Variants in PDZRN4 observed in about 807,000 individuals in gnomAD.
PDZRN4 encodes PDZ domain-containing RING finger protein 4.
A neutral mutation model predicts 99.0 loss-of-function variants in PDZRN4; 70 were observed. The ratio of observed to expected loss-of-function variants is 0.71; its 90% CI spans 0.58 to 0.86. The LOEUF (loss-of-function observed/expected upper bound fraction) is 0.86. PDZRN4 is among the 40% of genes least tolerant of loss of function. The pLI is 0.00. For missense variants in PDZRN4, 1,474 were observed against 1,331.2 expected, an observed-to-expected ratio of 1.11 and a Z score of -1.67; for synonymous variants, 551 against 501.6, an observed-to-expected ratio of 1.10 and a Z score of -1.32.
chr12:41,434,738 C>T (rs907214422), intron 3 of PDZRN4, among the ~76,000 whole-genome samples: 39 of 152,078 alleles, frequency 2.6e-4, no homozygotes, highest in African/African-American at 8.9e-4. Context: ...AATACACACA[C>T]GACTTATGTT....
At chr12:41,330,331 G>T (rs1951734462) in intron 3 of PDZRN4, among the ~76,000 whole-genome samples, 1 of 151,972 alleles carries the variant, frequency 6.6e-6, no homozygotes, top group African/African-American at 2.4e-5. Flanking sequence ...ACCGTTCTGG[G>T]TTTTAAGTCT....
chr12:41,314,068 G>C (rs1265317385), intron 3 of PDZRN4, among the ~76,000 whole-genome samples: 1 of 152,114 alleles, frequency 6.6e-6, no homozygotes, highest in Non-Finnish European at 1.5e-5. Flanking sequence ...ACCACTTATT[G>C]TTAATAATTT....
At position 41,458,037 on chromosome 12, in the gene PDZRN4, C is replaced by T. The variant is rs144924213; in HGVS notation, c.844-48419C>T. ...GACCACCAGAAAACTTCATGAAGAACATGCAATTCAAACTATTCCTTGACA... is the reference window on the plus strand; with the variant it reads ...GACCACCAGAAAACTTCATGAAGAATATGCAATTCAAACTATTCCTTGACA... On this transcript the variant is annotated intron_variant, in intron 3 of 9. Transcript: ENST00000402685. Among the ~76,000 whole-genome samples the T allele has an allele frequency of 7.2e-5, 11 of 152,284 alleles. No homozygotes were observed. The East Asian group carries it at 2.1e-3, about 29-fold the overall frequency.
chr12:41,391,358 C>T (rs1427833377), intron 3 of PDZRN4, among the ~76,000 whole-genome samples: 1 of 152,188 alleles, frequency 6.6e-6, no homozygotes, highest in African/African-American at 2.4e-5. Context: ...ATTTGATTCC[C>T]TTCCAGGGAG....
chr12:41,279,890 G>A (rs1951372111), intron 3 of PDZRN4, among the ~76,000 whole-genome samples: 1 of 152,130 alleles, frequency 6.6e-6, no homozygotes, highest in Non-Finnish European at 1.5e-5. Context: ...AGAACTGTAA[G>A]GTAGAAAACA....
At chr12:41,303,021 A>G (rs115858264) in intron 3 of PDZRN4, among the ~76,000 whole-genome samples, 3,072 of 151,998 alleles carry the variant, frequency 0.02, 87 homozygotes, top group African/African-American at 0.069. Flanking sequence ...TCTAAAAGCT[A>G]CAAGTGTTTA....
chr12:41,236,488 T>G (rs11180400), intron 3 of PDZRN4, among the ~76,000 whole-genome samples: 1 of 151,914 alleles, frequency 6.6e-6, no homozygotes, highest in Non-Finnish European at 1.5e-5. Flanking sequence ...GTTTTAGGAT[T>G]TTATAGAAGG....
intron 3 of PDZRN4, among the ~76,000 whole-genome samples, chr12:41,310,489 T>C (rs775535100): frequency 6.6e-6 from 1 of 152,116 alleles, no homozygotes; most frequent in Non-Finnish European, 1.5e-5. Context: ...CTTCCACACT[T>C]GCGAAGAGGA....
At chr12:41,316,740 C>T (rs1951641001) in intron 3 of PDZRN4, among the ~76,000 whole-genome samples, 1 of 151,654 alleles carries the variant, frequency 6.6e-6, no homozygotes, top group African/African-American at 2.4e-5. Flanking sequence ...AAACTGAAAT[C>T]TTATTTCTTA....
rs1051887972 is a variant in PDZRN4, at chr12:41,360,764, A to G, written c.844-145692A>G. Among the ~76,000 whole-genome samples the G allele has an allele frequency of 3.3e-5, 5 of 152,068 alleles. No homozygotes were observed. In the South Asian group the frequency reaches 1.0e-3, roughly 31 times the overall value. On this transcript the variant is annotated intron_variant, in intron 3 of 9. Coordinates refer to ENST00000402685, the MANE Select transcript of PDZRN4 (RefSeq NM_001164595.2). The stretch of plus-strand genomic sequence containing the variant: ...AATTACCTTTTATATATTATAGACC[A>G]TAACCGACACAGGAAGAGAATGGAA...
At chr12:41,438,020 G>T in intron 3 of PDZRN4, 1 of 1,613,802 alleles carries the variant, frequency 6.2e-7, no homozygotes, top group Non-Finnish European at 8.5e-7. Flanking sequence ...CCAGGTGAGT[G>T]CAGGGTCTGA....
At chr12:41,267,182 A>T (rs1951283635) in intron 3 of PDZRN4, among the ~76,000 whole-genome samples, 1 of 152,210 alleles carries the variant, frequency 6.6e-6, no homozygotes, top group African/African-American at 2.4e-5. Context: ...ACTGCTTAAG[A>T]CTTTCAGTGT....
At position 41,567,925 on chromosome 12, in the gene PDZRN4, C is replaced by T. The variant is rs201964656; in HGVS notation, c.1584+26C>T. 948 of 1,269,758 alleles carry T rather than the reference C, an allele frequency of 7.5e-4. 11 individuals carry two copies. Among genetic ancestry groups the T allele is most frequent in the Non-Finnish European group, 1.1e-4 (99 of 892,316 alleles). The allele number at this position is 1,269,758 out of a possible 1,614,324, so 78.7% of individuals were successfully genotyped here. ...GTAGGGCCAACAATTTGAACTACATCATTTGATATGTTGCTTGTTCTTTTT... is the reference window on the plus strand; with the variant it reads ...GTAGGGCCAACAATTTGAACTACATTATTTGATATGTTGCTTGTTCTTTTT... On this transcript the variant is annotated intron_variant, in intron 9 of 9. Transcript: ENST00000402685.
At chr12:41,214,764 T>A (rs1369792994) in intron 3 of PDZRN4, among the ~76,000 whole-genome samples, 1 of 151,982 alleles carries the variant, frequency 6.6e-6, no homozygotes, top group African/African-American at 2.4e-5. Context: ...TAAGATCCTA[T>A]GACACAGATC....
Position 41,210,883 on chromosome 12 carries a change from T to G in PDZRN4, c.843+16695T>G, listed in dbSNP as rs538629529. The stretch of plus-strand genomic sequence containing the variant: ...TTTAGAACATTTTACCAAAAGACAC[T>G]AAAGTCCAAAAAGAGTTAACTCATT... On this transcript the variant is annotated intron_variant, in intron 3 of 9. Transcript: ENST00000402685. 1.8e-3 allele frequency among the ~76,000 whole-genome samples: 276 copies of G among 152,006 alleles called. 2 individuals are homozygous for G. The highest frequency in any genetic ancestry group is 5.9e-3 in the African/African-American group (246 of 41,538).
intron 3 of PDZRN4, among the ~76,000 whole-genome samples, chr12:41,355,780 C>A (rs1191760263): frequency 1.3e-5 from 2 of 151,950 alleles, no homozygotes; most frequent in Non-Finnish European, 2.9e-5. Context: ...GAGAATTAAA[C>A]TTTTGTTTCA....
intron 5 of PDZRN4, among the ~76,000 whole-genome samples, chr12:41,530,192 C>G (rs1351561859): frequency 6.6e-6 from 1 of 152,212 alleles, no homozygotes; most frequent in Non-Finnish European, 1.5e-5. Flanking sequence ...CTACCCAACG[C>G]TCACGTTTAG....
intron 5 of PDZRN4, among the ~76,000 whole-genome samples, chr12:41,528,677 C>T (rs1041264301): frequency 1.3e-5 from 2 of 152,164 alleles, no homozygotes; most frequent in African/African-American, 4.8e-5. Context: ...GTTGAGAAAA[C>T]ATATTTTTGA....
At chr12:41,381,203 T>C (rs952915915) in intron 3 of PDZRN4, among the ~76,000 whole-genome samples, 2 of 152,188 alleles carry the variant, frequency 1.3e-5, no homozygotes, top group Non-Finnish European at 2.9e-5. Flanking sequence ...AAATAAACCT[T>C]TTTAGATTAA....
Sources: allele counts gnomAD v4.1 joint callset (sites outside exome capture counted in the v4.1 genomes callset), GRCh38; gene constraint gnomAD v4.1.1; transcripts MANE v1.5; gene names NCBI Gene and HGNC (gene_info 2026-07-23, HGNC 2026-07-21).